The following GPR63 variants were observed in gnomAD, a reference collection of about 807,000 sequenced individuals.
The protein encoded by GPR63 is probable G protein-coupled receptor 63.
Under a neutral mutation model 23.1 loss-of-function variants are expected in GPR63, and 12 were observed. The ratio of observed to expected loss-of-function variants is 0.52; its 90% CI spans 0.33 to 0.84. The LOEUF (loss-of-function observed/expected upper bound fraction) is 0.84, where lower values mean the gene tolerates loss of function less well. Among genes scored for constraint, GPR63 ranks in the 40% least tolerant of loss-of-function variants. The pLI is 0.02. For missense variants in GPR63, 472 were observed against 515.6 expected (o/e 0.92, Z 0.82); for synonymous variants, 172 against 191.1 (o/e 0.90, Z 0.82).
intron 1 of GPR63, among the ~76,000 whole-genome samples, chr6:96,824,754 G>A (rs1210301520): frequency 6.6e-6 from 1 of 152,096 alleles, no homozygotes; most frequent in Non-Finnish European, 1.5e-5. Context: ...GGGAGGTTGT[G>A]GTGTTTGGTT....
chr6:96,818,133 C>T (rs1432209122), intron 1 of GPR63, among the ~76,000 whole-genome samples: 1 of 151,712 alleles, frequency 6.6e-6, no homozygotes, highest in East Asian at 1.9e-4. Context: ...CACAGAAGAT[C>T]CCTTATAGCC....
chr6:96,798,390 AT>A lies in GPR63; in HGVS notation c.*81del, dbSNP rs1457719924. ...ACATACACAAACCCTATAAAAAAAA[AT>A]AAAGTGGAGAGGCTATGAGAAAGAG... is the stretch of plus-strand genomic sequence containing the variant. On this transcript the variant is annotated 3_prime_UTR_variant, in exon 2 of 2. Transcript: ENST00000229955. 25 of 1,438,920 alleles carry A rather than the reference AT, an allele frequency of 1.7e-5. No homozygotes were observed. The highest frequency in any genetic ancestry group is 1.0e-4 in the African/African-American group (7 of 70,096). The allele number at this position is 1,438,920 out of a possible 1,614,324, so 89.1% of individuals were successfully genotyped here.
Position 96,799,501 on chromosome 6 carries a change from G to T in GPR63, c.231C>A (p.Asn77Lys). ...PTTPAAFKSL[N>K]LPLQITLSAI... ...CAGAAAGGGTGATCTGAAGAGGCAA[G>T]TTTAGGCTCTTAAATGCTGCTGGTG... The change falls in exon 2 of 2, where the codon AAC becomes AAA. Residue 77 changes from asparagine to lysine, a missense_variant. Physicochemically the swap from Asn to Lys is moderately conservative, Grantham distance 94. Transcript: ENST00000229955. 1.9e-6 allele frequency: 3 copies of T among 1,614,184 alleles called. No individual in the cohort carries two copies. Among genetic ancestry groups the T allele is most frequent in the Non-Finnish European group, 2.5e-6 (3 of 1,180,028 alleles).
intron 1 of GPR63, among the ~76,000 whole-genome samples, chr6:96,828,098 G>A (rs546101449): frequency 5.3e-5 from 8 of 152,218 alleles, no homozygotes; most frequent in Non-Finnish European, 7.4e-5. Flanking sequence ...CAATTCCTAA[G>A]AAATAAAATG....
chr6:96,815,030 T>A (rs1016028164), intron 1 of GPR63, among the ~76,000 whole-genome samples: 1 of 152,222 alleles, frequency 6.6e-6, no homozygotes, highest in African/African-American at 2.4e-5. Context: ...ACTATGGGAA[T>A]GAAGAATGTT....
intron 1 of GPR63, among the ~76,000 whole-genome samples, chr6:96,815,535 G>C (rs562824457): frequency 1.3e-5 from 2 of 152,216 alleles, no homozygotes; most frequent in Admixed American, 6.5e-5. Flanking sequence ...AGAGTATTGT[G>C]TACTTTAATA....
intron 1 of GPR63, among the ~76,000 whole-genome samples, chr6:96,824,516 A>T (rs1288666243): frequency 1.3e-5 from 2 of 151,596 alleles, no homozygotes; most frequent in African/African-American, 4.8e-5. Flanking sequence ...CTACATAATT[A>T]TCATTCTAAA....
chr6:96,806,178 C>G (rs1405075635), intron 1 of GPR63, among the ~76,000 whole-genome samples: 1 of 152,168 alleles, frequency 6.6e-6, no homozygotes, highest in African/African-American at 2.4e-5. Context: ...GGCAAATACC[C>G]TATGCATGGT....
At chr6:96,834,453 T>G (rs1774669383) in intron 1 of GPR63, among the ~76,000 whole-genome samples, 1 of 152,048 alleles carries the variant, frequency 6.6e-6, no homozygotes, top group Non-Finnish European at 1.5e-5. Flanking sequence ...GTCAAACATC[T>G]CAAATGTTGT....
intron 1 of GPR63, among the ~76,000 whole-genome samples, chr6:96,811,257 A>C (rs1294481701): frequency 6.6e-6 from 1 of 152,236 alleles, no homozygotes; most frequent in East Asian, 1.9e-4. Flanking sequence ...TTCTAAAACT[A>C]TTCTATCCCC....
In GPR63 at chr6:96,798,759, C is replaced by T. The variant is rs751801260; in HGVS notation, c.973G>A (p.Val325Ile). Residue 325 changes from valine (V) to isoleucine (I), a missense_variant, in exon 2 of 2, where the codon GTC becomes ATC. Coordinates refer to ENST00000229955, the MANE Select transcript of GPR63 (RefSeq NM_030784.4). ...TAAGTGGTGAATGGGGCCCAGCAGACAATGAAGACAGCAAAGAGAATCAAA... is the reference window on the plus strand; with the variant it reads ...TAAGTGGTGAATGGGGCCCAGCAGATAATGAAGACAGCAAAGAGAATCAAA... ...TILILFAVFIVCWAPFTTYSL... is the reference protein window; with the variant it reads ...TILILFAVFIICWAPFTTYSL... 6.2e-7 allele frequency: 1 copy of T among 1,614,086 alleles called. No individual in the cohort carries two copies. The highest frequency in any genetic ancestry group is 1.1e-5 in the South Asian group (1 of 91,072).
At chr6:96,824,585 C>T (rs1308245097) in intron 1 of GPR63, among the ~76,000 whole-genome samples, 1 of 145,558 alleles carries the variant, frequency 6.9e-6, no homozygotes, top group Non-Finnish European at 1.5e-5. Flanking sequence ...ACCAAAAATA[C>T]GCCTTAGCAA....
In GPR63 at chr6:96,798,721, T is replaced by C; in HGVS notation, c.1011A>G (p.Ala337=). The C allele has an allele frequency of 6.2e-7, 1 of 1,614,204 alleles. No individual in the cohort carries two copies. The highest frequency in any genetic ancestry group is 1.1e-5 in the South Asian group (1 of 91,070). The change falls in exon 2 of 2, where the codon GCA becomes GCG. Residue 337 remains alanine, a synonymous_variant. Coordinates refer to ENST00000229955, the MANE Select transcript of GPR63 (RefSeq NM_030784.4). ...WAPFTTYSLV[A]TFSKHFYYQH... is the part of the protein sequence containing the mutation. ...GATAGTAAAAGTGCTTACTGAATGT[T>C]GCCACAAGGCTGTAAGTGGTGAATG...
rs548480778 is a variant in GPR63 at position 96,834,440 on chromosome 6, G to T, written c.-151+2828C>A. ...TCTTAAGATCTATGATCTCAGGCTG[G>T]TAGTCAAACATCTCAAATGTTGTGT... On this transcript the variant is annotated intron_variant, in intron 1 of 1. Transcript: ENST00000229955. 1.9e-3 allele frequency among the ~76,000 whole-genome samples: 286 copies of T among 152,174 alleles called. 1 individual carries two copies. Among genetic ancestry groups the T allele is most frequent in the Non-Finnish European group, 3.3e-3 (227 of 68,010 alleles).
chr6:96,821,161 C>T (rs1774304330), intron 1 of GPR63, among the ~76,000 whole-genome samples: 1 of 152,166 alleles, frequency 6.6e-6, no homozygotes, highest in African/African-American at 2.4e-5. Context: ...TGCAGTTTAG[C>T]TCATGAAGCT....
intron 1 of GPR63, among the ~76,000 whole-genome samples, chr6:96,823,604 A>G (rs1774363807): frequency 6.6e-6 from 1 of 152,158 alleles, no homozygotes; most frequent in Admixed American, 6.5e-5. Context: ...AAATAAATTT[A>G]GTGTTACCTA....
chr6:96,814,509 C>T (rs1774115398), intron 1 of GPR63, among the ~76,000 whole-genome samples: 1 of 152,134 alleles, frequency 6.6e-6, no homozygotes, highest in African/African-American at 2.4e-5. Flanking sequence ...TAAACCAAGG[C>T]TCAGAGGGCA....
At chr6:96,810,657 G>A (rs186450240) in intron 1 of GPR63, among the ~76,000 whole-genome samples, 18 of 152,056 alleles carry the variant, frequency 1.2e-4, no homozygotes, top group African/African-American at 3.9e-4. Context: ...GCAGAATGAC[G>A]TACAACATAG....
chr6:96,831,774 T>A (rs1774587652), intron 1 of GPR63, among the ~76,000 whole-genome samples: 1 of 151,748 alleles, frequency 6.6e-6, no homozygotes. Context: ...GGCACAGTGA[T>A]CGGCACCAGT....
Sources: gnomAD v4.1 joint callset for allele counts (sites outside exome capture counted in the v4.1 genomes callset) on GRCh38, gnomAD v4.1.1 for gene constraint, MANE v1.5 for transcripts, NCBI Gene and HGNC (gene_info 2026-07-23, HGNC 2026-07-21) for gene names.